The following ZNF385D variants were observed in gnomAD, a reference collection of about 807,000 sequenced individuals.
The protein encoded by ZNF385D is zinc finger protein 659.
Under a neutral mutation model 35.8 loss-of-function variants are expected in ZNF385D, and 15 were observed. The ratio of observed to expected loss-of-function variants is 0.42; its 90% CI spans 0.28 to 0.64. The LOEUF (loss-of-function observed/expected upper bound fraction) is 0.64, where lower values mean the gene tolerates loss of function less well. ZNF385D is among the 30% of genes least tolerant of loss of function. The pLI is 0.23. For synonymous variants in ZNF385D, 212 were observed against 186.8 expected, an observed-to-expected ratio of 1.13 and a Z score of -1.10; for missense variants, 474 against 494.6, an observed-to-expected ratio of 0.96 and a Z score of 0.39.
chr3:22,107,898 G>A (rs1702308723), intron 3 of ZNF385D, among the ~76,000 whole-genome samples: 1 of 151,766 alleles, frequency 6.6e-6, no homozygotes, highest in African/African-American at 2.4e-5. Context: ...TTATAATGGG[G>A]TGCCCATAAT....
intron 2 of ZNF385D, among the ~76,000 whole-genome samples, chr3:22,330,107 A>G (rs995392983): frequency 1.3e-5 from 2 of 152,122 alleles, no homozygotes; most frequent in African/African-American, 4.8e-5. Context: ...TATTTATTTC[A>G]TCTATTGAGC....
chr3:21,851,743 TA>T (rs1696400649), intron 3 of ZNF385D, among the ~76,000 whole-genome samples: 1 of 152,036 alleles, frequency 6.6e-6, no homozygotes, highest in African/African-American at 2.4e-5. Flanking sequence ...CCACTGCATT[TA>T]AAAAGGTGCC....
intron 3 of ZNF385D, among the ~76,000 whole-genome samples, chr3:21,978,874 A>C (rs1380302127): frequency 6.6e-6 from 1 of 151,770 alleles, no homozygotes. Context: ...ACAAATATTC[A>C]ACTTAAAAAA....
intron 3 of ZNF385D, among the ~76,000 whole-genome samples, chr3:21,970,803 C>G (rs1310135543): frequency 6.6e-6 from 1 of 151,754 alleles, no homozygotes; most frequent in Non-Finnish European, 1.5e-5. Flanking sequence ...AAGAAAGGAT[C>G]CCACAAGGAA....
chr3:22,150,368 A>G (rs1039794658), intron 3 of ZNF385D, among the ~76,000 whole-genome samples: 2 of 152,066 alleles, frequency 1.3e-5, no homozygotes, highest in African/African-American at 4.8e-5. Flanking sequence ...AACATTCTTC[A>G]GTGAGAAAGA....
At chr3:21,839,264 C>A (rs188950574) in intron 3 of ZNF385D, among the ~76,000 whole-genome samples, 1 of 152,018 alleles carries the variant, frequency 6.6e-6, no homozygotes, top group East Asian at 1.9e-4. Flanking sequence ...GTTAATCAAC[C>A]AACCACATTT....
intron 3 of ZNF385D, among the ~76,000 whole-genome samples, chr3:22,002,806 A>G (rs749225098): frequency 1.3e-5 from 2 of 152,222 alleles, no homozygotes; most frequent in Non-Finnish European, 1.5e-5. Context: ...AAGAAACATG[A>G]TACATTACAT....
At chr3:21,874,035 G>C (rs1697834208) in intron 3 of ZNF385D, among the ~76,000 whole-genome samples, 1 of 151,374 alleles carries the variant, frequency 6.6e-6, no homozygotes, top group South Asian at 2.1e-4. Flanking sequence ...TCATATGGTA[G>C]TTCTATTTTT....
chr3:21,833,633 C>T (rs577942334), intron 3 of ZNF385D, among the ~76,000 whole-genome samples: 4 of 152,280 alleles, frequency 2.6e-5, no homozygotes, highest in East Asian at 1.9e-4. Flanking sequence ...TGTTTTAAGA[C>T]GTTCACTTTG....
chr3:22,364,463 G>A (rs1696560440), intron 2 of ZNF385D, among the ~76,000 whole-genome samples: 1 of 151,922 alleles, frequency 6.6e-6, no homozygotes, highest in Non-Finnish European at 1.5e-5. Context: ...TTGCTTTAAA[G>A]GAGACATACA....
At chr3:21,521,440 T>TA (rs774098086) in intron 3 of ZNF385D, among the ~76,000 whole-genome samples, 2 of 152,164 alleles carry the variant, frequency 1.3e-5, no homozygotes, top group Non-Finnish European at 2.9e-5. Flanking sequence ...CAAGTCAGAC[T>TA]AAAAAATTAA....
chr3:21,983,012 T>A (rs1479101154), intron 3 of ZNF385D, among the ~76,000 whole-genome samples: 1 of 152,062 alleles, frequency 6.6e-6, no homozygotes, highest in Non-Finnish European at 1.5e-5. Flanking sequence ...CTGAAGATTT[T>A]TACATTGATG....
At chr3:22,132,314 G>A (rs1703850071) in intron 3 of ZNF385D, among the ~76,000 whole-genome samples, 2 of 152,080 alleles carry the variant, frequency 1.3e-5, no homozygotes, top group Non-Finnish European at 1.5e-5. Flanking sequence ...CTAAGAAACG[G>A]ACATTCATCA....
intron 3 of ZNF385D, among the ~76,000 whole-genome samples, chr3:21,778,463 T>C (rs2125630132): frequency 6.6e-6 from 1 of 151,954 alleles, no homozygotes; most frequent in Admixed American, 6.6e-5. Context: ...CTCACAGGGG[T>C]AATCTAAACA....
intron 3 of ZNF385D, among the ~76,000 whole-genome samples, chr3:21,770,244 T>C (rs184499564): frequency 9.7e-4 from 147 of 152,190 alleles, no homozygotes; most frequent in African/African-American, 3.3e-3. Flanking sequence ...AAATGGGATC[T>C]AATTAAACTA....
intron 2 of ZNF385D, among the ~76,000 whole-genome samples, chr3:21,580,807 GTA>G (rs71044926): frequency 1.1e-4 from 16 of 150,750 alleles, no homozygotes; most frequent in Admixed American, 4.6e-4. Context: ...CTATGTGTGT[GTA>G]TATATATATA....
intron 3 of ZNF385D, among the ~76,000 whole-genome samples, chr3:21,810,990 G>GTATA (rs1289420492): frequency 5.3e-4 from 52 of 97,244 alleles, no homozygotes; most frequent in Admixed American, 1.8e-3. Flanking sequence ...GTGTGTGTGT[G>GTATA]TGTGTGTGTA....
At chr3:21,847,283 G>A (rs1054624589) in intron 3 of ZNF385D, among the ~76,000 whole-genome samples, 1 of 152,058 alleles carries the variant, frequency 6.6e-6, no homozygotes, top group African/African-American at 2.4e-5. Context: ...ATCACATTAT[G>A]TATATTCAAA....
intron 2 of ZNF385D, chr3:22,169,042 G>A: frequency 1.0e-6 from 1 of 984,430 alleles, no homozygotes; most frequent in Non-Finnish European, 1.2e-6. Context: ...AAATCTGAGG[G>A]TGCAAGGAAA....
Sources: gnomAD v4.1 joint callset for allele counts (sites outside exome capture counted in the v4.1 genomes callset) on GRCh38, gnomAD v4.1.1 for gene constraint, MANE v1.5 for transcripts, NCBI Gene and HGNC (gene_info 2026-07-23, HGNC 2026-07-21) for gene names.